The following FANK1 variants were observed in gnomAD, a reference collection of about 807,000 sequenced individuals.
FANK1 encodes fibronectin type 3 and ankyrin repeat domains protein 1.
Under a neutral mutation model 45.3 loss-of-function variants are expected in FANK1, and 44 were observed. The ratio of observed to expected loss-of-function variants is 0.97; its 90% CI spans 0.76 to 1.25. The LOEUF (loss-of-function observed/expected upper bound fraction) is 1.25. FANK1 is among the 50% of genes most tolerant of loss of function. FANK1 has a pLI of 0.00. For synonymous variants in FANK1, 149 were observed against 152.5 expected, an observed-to-expected ratio of 0.98 and a Z score of 0.17; for missense variants, 391 against 424.4, an observed-to-expected ratio of 0.92 and a Z score of 0.69.
chr10:125,939,005 C>T (rs763913831), intron 1 of FANK1, among the ~76,000 whole-genome samples: 4 of 152,158 alleles, frequency 2.6e-5, no homozygotes, highest in Non-Finnish European at 5.9e-5. Context: ...ATGAAACACA[C>T]CAACATCACA....
At chr10:125,935,823 A>G (rs1948061362) in intron 1 of FANK1, among the ~76,000 whole-genome samples, 1 of 152,214 alleles carries the variant, frequency 6.6e-6, no homozygotes, top group Admixed American at 6.5e-5. Flanking sequence ...TAGAAAGATA[A>G]TTAAGTCTTT....
chr10:125,944,976 G>T (rs1222038220), intron 1 of FANK1, among the ~76,000 whole-genome samples: 1 of 152,124 alleles, frequency 6.6e-6, no homozygotes, highest in Non-Finnish European at 1.5e-5. Flanking sequence ...CTAGGTTAGG[G>T]TCTCCCCAAC....
At chr10:125,937,548 C>T (rs1948182552) in intron 1 of FANK1, among the ~76,000 whole-genome samples, 2 of 151,898 alleles carry the variant, frequency 1.3e-5, no homozygotes, top group African/African-American at 4.8e-5. Context: ...AGGGTATTTC[C>T]CATATGAAGG....
At chr10:125,978,979 C>T (rs1951023959) in intron 1 of FANK1, among the ~76,000 whole-genome samples, 1 of 152,342 alleles carries the variant, frequency 6.6e-6, no homozygotes, top group Admixed American at 6.5e-5. Context: ...TGAGCGGCTG[C>T]TCTGCCAAGA....
At chr10:125,991,291 C>A (rs1590196439) in intron 3 of FANK1, among the ~76,000 whole-genome samples, 1 of 103,666 alleles carries the variant, frequency 9.6e-6, no homozygotes, top group East Asian at 3.3e-4. Flanking sequence ...GGGGAGTGAT[C>A]CTGGCCATTT....
intron 1 of FANK1, among the ~76,000 whole-genome samples, chr10:125,912,645 A>G (rs10901466): frequency 0.38 from 57,794 of 152,006 alleles, 11,398 homozygotes; most frequent in Non-Finnish European, 0.44. Flanking sequence ...TTTTTATTTT[A>G]TTTTTTGAGA....
At chr10:125,932,931 C>T (rs940232400) in intron 1 of FANK1, among the ~76,000 whole-genome samples, 6 of 152,066 alleles carry the variant, frequency 3.9e-5, no homozygotes, top group African/African-American at 9.7e-5. Context: ...TGGATTTTGT[C>T]GAATGCATTT....
chr10:125,917,930 A>G (rs1946579658), intron 1 of FANK1, among the ~76,000 whole-genome samples: 2 of 152,422 alleles, frequency 1.3e-5, no homozygotes, highest in South Asian at 4.1e-4. Flanking sequence ...TTTAAAAAGA[A>G]AAGTCAGGTG....
intron 1 of FANK1, among the ~76,000 whole-genome samples, chr10:125,957,300 A>G (rs1275624864): frequency 2.0e-5 from 3 of 152,080 alleles, no homozygotes; most frequent in African/African-American, 4.8e-5. Context: ...TGCATATCCT[A>G]TTAACCTCAC....
intron 3 of FANK1, chr10:125,989,290 G>A (rs1273437818): frequency 6.5e-7 from 1 of 1,550,184 alleles, no homozygotes; most frequent in East Asian, 2.4e-5. Context: ...GGCCATCTCT[G>A]AGCAAGAGCC....
chr10:125,975,810 C>T (rs1950819529), intron 1 of FANK1, among the ~76,000 whole-genome samples: 1 of 152,154 alleles, frequency 6.6e-6, no homozygotes, highest in Non-Finnish European at 1.5e-5. Context: ...GGATTTGATC[C>T]TGACATTGTG....
At chr10:125,959,438 C>G (rs935882097) in intron 1 of FANK1, among the ~76,000 whole-genome samples, 1 of 85,742 alleles carries the variant, frequency 1.2e-5, no homozygotes, top group African/African-American at 4.0e-5. Flanking sequence ...AAAAAAGATA[C>G]GAAATAATGT....
At chr10:125,966,124 A>G (rs961827016) in intron 1 of FANK1, among the ~76,000 whole-genome samples, 1 of 152,032 alleles carries the variant, frequency 6.6e-6, no homozygotes, top group Non-Finnish European at 1.5e-5. Flanking sequence ...TGTTTTTGCT[A>G]TTTGGTTTTT....
chr10:125,952,857 A>T (rs1375459820), intron 1 of FANK1, among the ~76,000 whole-genome samples: 4 of 118,368 alleles, frequency 3.4e-5, no homozygotes, highest in Middle Eastern at 4.5e-3. Flanking sequence ...ACACACACAC[A>T]CACTGTTCTT....
intron 1 of FANK1, among the ~76,000 whole-genome samples, chr10:125,936,770 A>G (rs529419566): frequency 1.3e-4 from 20 of 152,074 alleles, no homozygotes; most frequent in Non-Finnish European, 2.6e-4. Context: ...TTTGGCTATT[A>G]TGAATAGTAC....
chr10:125,997,362 G>A (rs368797806), intron 5 of FANK1, 58 bp from the exon 6 acceptor site: 9 of 1,421,110 alleles, frequency 6.3e-6, no homozygotes, highest in Non-Finnish European at 7.9e-6. Context: ...CTGGACTATT[G>A]TGGGTTCTGA....
At chr10:126,001,785 G>A (rs184564497) in intron 6 of FANK1, among the ~76,000 whole-genome samples, 4 of 152,120 alleles carry the variant, frequency 2.6e-5, no homozygotes, top group East Asian at 1.9e-4. Context: ...AAGGAAGAGC[G>A]CCTGGTCTCA....
chr10:125,901,834 A>G (rs1347388803), intron 1 of FANK1, among the ~76,000 whole-genome samples: 2 of 152,222 alleles, frequency 1.3e-5, no homozygotes, highest in African/African-American at 4.8e-5. Flanking sequence ...TAATATTTAA[A>G]ATCTAGCTGG....
intron 1 of FANK1, among the ~76,000 whole-genome samples, chr10:125,943,606 A>G (rs1948591126): frequency 1.3e-5 from 2 of 152,180 alleles, no homozygotes. Context: ...CGTTTGTGCA[A>G]TGTTTATTAA....
Sources: gnomAD v4.1 joint callset for allele counts (sites outside exome capture counted in the v4.1 genomes callset) on GRCh38, gnomAD v4.1.1 for gene constraint, MANE v1.5 for transcripts, NCBI Gene and HGNC (gene_info 2026-07-23, HGNC 2026-07-21) for gene names.